GALNT13: variants seen among roughly 807,000 people sequenced by gnomAD.
GALNT13 encodes the protein UDP-GalNAc:polypeptide N-acetylgalactosaminyltransferase 13.
A neutral mutation model predicts 64.2 loss-of-function variants in GALNT13; 28 were observed. The ratio of observed to expected loss-of-function variants is 0.44; its 90% CI spans 0.32 to 0.60. The LOEUF (loss-of-function observed/expected upper bound fraction) is 0.60, where lower values mean the gene tolerates loss of function less well. Among genes scored for constraint, GALNT13 ranks in the 20% least tolerant of loss-of-function variants. The pLI is 0.05. For synonymous variants in GALNT13, 214 were observed against 224.6 expected (o/e 0.95, Z 0.42); for missense variants, 577 against 669.8 (o/e 0.86, Z 1.53).
the GALNT13 span, among the ~76,000 whole-genome samples, chr2:153,617,764 C>A: frequency 6.6e-6 from 1 of 151,702 alleles, no homozygotes; most frequent in African/African-American, 2.4e-5. Context: ...TTTTGGATTT[C>A]TTCATAGTTC....
intron 4 of GALNT13, among the ~76,000 whole-genome samples, chr2:154,237,083 T>C (rs1035620459): frequency 3.8e-4 from 58 of 151,994 alleles, no homozygotes; most frequent in Non-Finnish European, 6.6e-4. Flanking sequence ...TATTGCATTA[T>C]TATTACTACT....
the GALNT13 span, among the ~76,000 whole-genome samples, chr2:153,774,563 CT>C: frequency 6.6e-6 from 1 of 151,840 alleles, no homozygotes; most frequent in African/African-American, 2.4e-5. Context: ...GACAAGAAAA[CT>C]TTTTTTTGGT....
chr2:153,973,801 T>G (rs2105135228), intron 3 of GALNT13, among the ~76,000 whole-genome samples: 1 of 152,148 alleles, frequency 6.6e-6, no homozygotes, highest in African/African-American at 2.4e-5. Flanking sequence ...GTTTTTTAGG[T>G]TATTCACATG....
chr2:153,498,670 A>C, the GALNT13 span, among the ~76,000 whole-genome samples: 1 of 152,198 alleles, frequency 6.6e-6, no homozygotes, highest in African/African-American at 2.4e-5. Flanking sequence ...GGAACTGCAG[A>C]GCTCCAAAGA....
chr2:153,144,699 T>C, the GALNT13 span, among the ~76,000 whole-genome samples: 2 of 151,864 alleles, frequency 1.3e-5, no homozygotes, highest in African/African-American at 4.8e-5. Flanking sequence ...CAAAGCCTAC[T>C]GATAATAGAA....
chr2:153,850,828 GA>G, the GALNT13 span, among the ~76,000 whole-genome samples: 4 of 152,136 alleles, frequency 2.6e-5, no homozygotes, highest in African/African-American at 4.8e-5. Context: ...AATAGCAACA[GA>G]AAGTAGAAGT....
At chr2:153,298,325 A>G in the GALNT13 span, among the ~76,000 whole-genome samples, 3 of 152,194 alleles carry the variant, frequency 2.0e-5, no homozygotes, top group African/African-American at 7.2e-5. Flanking sequence ...TCTACGGACT[A>G]TCAGGTCACC....
the GALNT13 span, among the ~76,000 whole-genome samples, chr2:153,620,735 C>T: frequency 6.6e-6 from 1 of 151,782 alleles, no homozygotes; most frequent in Non-Finnish European, 1.5e-5. Context: ...AGTCCTATAT[C>T]TCTGTTTCTC....
At chr2:154,116,187 G>C (rs1051483996) in intron 3 of GALNT13, among the ~76,000 whole-genome samples, 3 of 152,104 alleles carry the variant, frequency 2.0e-5, no homozygotes, top group Non-Finnish European at 2.9e-5. Flanking sequence ...TGGGGAAGCT[G>C]TTTCTTTTGG....
chr2:153,950,337 A>T (rs1373976791), intron 3 of GALNT13, among the ~76,000 whole-genome samples: 1 of 152,086 alleles, frequency 6.6e-6, no homozygotes, highest in African/African-American at 2.4e-5. Context: ...AATGAAACAC[A>T]TATAGCAAAT....
the GALNT13 span, among the ~76,000 whole-genome samples, chr2:153,748,295 G>T: frequency 6.6e-6 from 1 of 152,114 alleles, no homozygotes; most frequent in Non-Finnish European, 1.5e-5. Flanking sequence ...TTCATACCCA[G>T]CAGTGGGATT....
At chr2:153,568,649 G>C in the GALNT13 span, among the ~76,000 whole-genome samples, 1 of 152,102 alleles carries the variant, frequency 6.6e-6, no homozygotes, top group Non-Finnish European at 1.5e-5. Flanking sequence ...ATACACATGT[G>C]TAACAGTGCA....
chr2:154,124,900 C>T (rs1574548890), intron 3 of GALNT13, among the ~76,000 whole-genome samples: 1 of 152,140 alleles, frequency 6.6e-6, no homozygotes. Flanking sequence ...AAAGTAACTA[C>T]ATCAAAAGGA....
the GALNT13 span, among the ~76,000 whole-genome samples, chr2:153,138,614 C>A: frequency 1.3e-5 from 2 of 152,158 alleles, no homozygotes; most frequent in Admixed American, 1.3e-4. Context: ...ATCAAGTCAA[C>A]TATTTTGACT....
chr2:153,957,921 A>C (rs956013700), intron 3 of GALNT13, among the ~76,000 whole-genome samples: 1 of 151,912 alleles, frequency 6.6e-6, no homozygotes, highest in African/African-American at 2.4e-5. Flanking sequence ...AACTTAACAA[A>C]CTCCTCTATA....
intron 4 of GALNT13, among the ~76,000 whole-genome samples, chr2:154,158,654 A>G (rs910463033): frequency 6.6e-6 from 1 of 152,178 alleles, no homozygotes; most frequent in African/African-American, 2.4e-5. Context: ...ACCAAGAACA[A>G]TTCTACTTTA....
At chr2:154,079,894 A>G (rs560432870) in intron 3 of GALNT13, among the ~76,000 whole-genome samples, 2 of 151,798 alleles carry the variant, frequency 1.3e-5, no homozygotes, top group South Asian at 2.1e-4. Flanking sequence ...TTGGAGAAGG[A>G]ATATTAAGGA....
chr2:154,181,317 A>G (rs998015698), intron 4 of GALNT13, among the ~76,000 whole-genome samples: 1 of 152,170 alleles, frequency 6.6e-6, no homozygotes, highest in Non-Finnish European at 1.5e-5. Flanking sequence ...TGCATCACTT[A>G]AAAGAAAAAT....
the GALNT13 span, among the ~76,000 whole-genome samples, chr2:153,544,430 G>C: frequency 3.3e-5 from 5 of 152,078 alleles, no homozygotes; most frequent in Admixed American, 3.3e-4. Context: ...TACAAGCATT[G>C]CATGATGTCT....
Sources: gnomAD v4.1 joint callset for allele counts (sites outside exome capture counted in the v4.1 genomes callset) on GRCh38, gnomAD v4.1.1 for gene constraint, MANE v1.5 for transcripts, NCBI Gene and HGNC (gene_info 2026-07-23, HGNC 2026-07-21) for gene names.